XIRP2: variants seen among roughly 807,000 people sequenced by gnomAD.
XIRP2 encodes the protein xin actin binding repeat containing 2, also known as xin actin-binding repeat-containing protein 2.
A neutral mutation model predicts 277.0 loss-of-function variants in XIRP2; 236 were observed. That is an observed-to-expected ratio of 0.85 (90% CI 0.77 to 0.95). XIRP2 has a LOEUF of 0.95. Among genes scored for constraint, XIRP2 ranks in the 40% least tolerant of loss-of-function variants. XIRP2 has a pLI of 0.00. For missense variants in XIRP2, 4,640 were observed against 4,157.5 expected, an observed-to-expected ratio of 1.12 and a Z score of -3.19; for synonymous variants, 1,490 against 1,416.5, an observed-to-expected ratio of 1.05 and a Z score of -1.17.
At position 166,903,616 on chromosome 2, in the gene XIRP2, C is replaced by T. The variant is rs774074321; in HGVS notation, c.134C>T (p.Ala45Val). 1.2e-5 allele frequency: 20 copies of T among 1,613,434 alleles called. No individual in the cohort carries two copies. Among genetic ancestry groups the T allele is most frequent in the East Asian group, 4.5e-5 (2 of 44,828 alleles). The change falls in exon 2 of 11, where the codon GCG (alanine) becomes GTG (valine). Residue 45 changes from alanine to valine, a missense_variant. Physicochemically the swap from Ala to Val is moderately conservative, Grantham distance 64. Coordinates refer to ENST00000409195, the MANE Select transcript of XIRP2 (RefSeq NM_152381.6). ...CAGCCTCAGGAAAGCAAATTGCTTG[C>T]GCCTGAAGGAGAGGTAGTATCAGCA... ...IFQPQESKLL[A>V]PEGEVVSAPQ...
chr2:167,192,026 T>C (rs1426374826), intron 3 of XIRP2, among the ~76,000 whole-genome samples: 2 of 152,174 alleles, frequency 1.3e-5, no homozygotes, highest in East Asian at 3.8e-4. Flanking sequence ...GTTATCAACA[T>C]AGAAAAGCTT....
At chr2:167,155,847 C>T (rs1179640491) in intron 3 of XIRP2, among the ~76,000 whole-genome samples, 33 of 151,526 alleles carry the variant, frequency 2.2e-4, no homozygotes, top group African/African-American at 7.8e-4. Flanking sequence ...TCTAGAAAAC[C>T]CCATTGTCTC....
chr2:167,005,849 A>C (rs1449105066), intron 2 of XIRP2, among the ~76,000 whole-genome samples: 1 of 151,720 alleles, frequency 6.6e-6, no homozygotes, highest in Non-Finnish European at 1.5e-5. Context: ...AGGGCTTAAA[A>C]ATTCTTGACA....
At chr2:166,919,749 C>G (rs1417974865) in intron 2 of XIRP2, among the ~76,000 whole-genome samples, 1 of 151,724 alleles carries the variant, frequency 6.6e-6, no homozygotes, top group Non-Finnish European at 1.5e-5. Flanking sequence ...GAAATAAAAA[C>G]AAGAAATATA....
chr2:166,923,235 T>G (rs1685102087), intron 2 of XIRP2, among the ~76,000 whole-genome samples: 1 of 152,116 alleles, frequency 6.6e-6, no homozygotes. Flanking sequence ...AAAGTTACAA[T>G]GAGTGTACTA....
At chr2:167,144,789 G>A (rs1029237403) in intron 3 of XIRP2, among the ~76,000 whole-genome samples, 4 of 152,052 alleles carry the variant, frequency 2.6e-5, no homozygotes, top group Admixed American at 6.5e-5. Context: ...ATCAGAATAT[G>A]AAGCCAATTG....
chr2:166,896,833 A>G (rs1684256489), intron 1 of XIRP2, among the ~76,000 whole-genome samples: 1 of 152,146 alleles, frequency 6.6e-6, no homozygotes, highest in African/African-American at 2.4e-5. Context: ...TAAGTTCCCC[A>G]TACAGGTATA....
intron 3 of XIRP2, chr2:167,184,729 T>C: frequency 3.0e-6 from 2 of 659,056 alleles, no homozygotes; most frequent in East Asian, 2.7e-5. Flanking sequence ...ATCTCTGCAA[T>C]TGATGTCACT....
intron 3 of XIRP2, among the ~76,000 whole-genome samples, chr2:167,168,560 G>C (rs1692588402): frequency 6.6e-6 from 1 of 152,098 alleles, no homozygotes; most frequent in Admixed American, 6.5e-5. Flanking sequence ...TTCTGTTATA[G>C]TGTTTTGCAT....
At position 167,135,938 on chromosome 2, in the gene XIRP2, G is replaced by T. The variant is rs147656892; in HGVS notation, c.438G>T (p.Ser146=). 19 of 1,602,384 alleles carry T rather than the reference G, an allele frequency of 1.2e-5. No individual in the cohort carries two copies. The highest frequency in any genetic ancestry group is 1.5e-5 in the Non-Finnish European group (18 of 1,174,772). Residue 146 remains serine, a synonymous_variant, in exon 3 of 11, where the codon TCG becomes TCT. Transcript: ENST00000409195. ...TGGAAATTGAGCGAAGTTTGTGCTC[G>T]CCAGCTTTTAAGAGTCACCCTGGGA... is the stretch of plus-strand genomic sequence containing the variant. ...KEVEIERSLC[S]PAFKSHPGSQ... is the part of the protein sequence containing the mutation.
chr2:166,925,589 GTATATACATATATA>G lies in XIRP2; in HGVS notation c.408+21706_408+21719del, dbSNP rs1387517512. On this transcript the variant is annotated intron_variant, in intron 2 of 10. Transcript: ENST00000409195. Reference sequence around the variant, plus strand: ...TGTGTATGTATGTGTGTGTGTATGTGTATATACATATATATATATATATATATATATATATATAC... The same window carrying G: ...TGTGTATGTATGTGTGTGTGTATGTGTATATATATATATATATATATATAC... 3.4e-3 allele frequency among the ~76,000 whole-genome samples: 358 copies of G among 105,972 alleles called. 4 individuals are homozygous for G. The highest frequency in any genetic ancestry group is 0.015 in the African/African-American group (326 of 22,482). The allele number at this position is 105,972 out of a possible 152,430, so 69.5% of individuals were successfully genotyped here. A position where few individuals can be genotyped will look rare whatever the true frequency, so the allele number is the denominator to read the frequency against.
chr2:167,078,489 G>A (rs1478097350), intron 2 of XIRP2, among the ~76,000 whole-genome samples: 1 of 152,052 alleles, frequency 6.6e-6, no homozygotes, highest in Non-Finnish European at 1.5e-5. Flanking sequence ...TGCTCTGGAT[G>A]GGACTTCCAG....
chr2:167,025,064 G>A (rs1688111420), intron 2 of XIRP2, among the ~76,000 whole-genome samples: 1 of 151,982 alleles, frequency 6.6e-6, no homozygotes, highest in African/African-American at 2.4e-5. Context: ...GTAGAATTCG[G>A]CTGTGAATCC....
At chr2:167,175,553 C>T (rs1309554031) in intron 3 of XIRP2, among the ~76,000 whole-genome samples, 1 of 152,090 alleles carries the variant, frequency 6.6e-6, no homozygotes, top group Non-Finnish European at 1.5e-5. Context: ...CTGGAGCTAT[C>T]CTGTATGAGG....
intron 10 of XIRP2, 149 bp downstream of exon 10, chr2:167,254,314 A>G (rs983366083): frequency 9.6e-7 from 1 of 1,042,030 alleles, no homozygotes; most frequent in East Asian, 3.2e-5. Context: ...ATGTTCTGTG[A>G]TGTATTTCTG....
At chr2:166,924,954 T>A (rs1272522149) in intron 2 of XIRP2, among the ~76,000 whole-genome samples, 2 of 152,106 alleles carry the variant, frequency 1.3e-5, no homozygotes, top group African/African-American at 4.8e-5. Context: ...AGAAAATGAA[T>A]CCTTTTTATT....
At chr2:167,098,516 T>G (rs1690386806) in intron 2 of XIRP2, among the ~76,000 whole-genome samples, 1 of 152,224 alleles carries the variant, frequency 6.6e-6, no homozygotes, top group Non-Finnish European at 1.5e-5. Flanking sequence ...GAGTTTGTTA[T>G]TACCCACCTT....
Position 167,244,974 on chromosome 2 carries a change from T to C in XIRP2, c.3582T>C (p.Ala1194=). The part of the protein sequence containing the change: ...EIKPVEMDIQ[A]GDVSSMRYKF... Reference sequence around the variant, plus strand: ...AGCCTGTTGAAATGGATATACAAGCTGGAGATGTTTCCAGCATGAGGTATA... The same window carrying C: ...AGCCTGTTGAAATGGATATACAAGCCGGAGATGTTTCCAGCATGAGGTATA... The change falls in exon 9 of 11, where the codon GCT becomes GCC. Residue 1194 remains alanine, a synonymous_variant. Coordinates refer to ENST00000409195, the MANE Select transcript of XIRP2 (RefSeq NM_152381.6). 2 of 1,613,310 alleles carry C rather than the reference T, an allele frequency of 1.2e-6. No individual in the cohort carries two copies. Among genetic ancestry groups the C allele is most frequent in the Non-Finnish European group, 1.7e-6 (2 of 1,179,652 alleles).
At chr2:166,912,023 T>C (rs1435422887) in intron 2 of XIRP2, among the ~76,000 whole-genome samples, 2 of 152,168 alleles carry the variant, frequency 1.3e-5, no homozygotes, top group East Asian at 1.9e-4. Flanking sequence ...CGACCTTTCT[T>C]TCTGTCTGCC....
Sources: allele counts gnomAD v4.1 joint callset (sites outside exome capture counted in the v4.1 genomes callset), GRCh38; gene constraint gnomAD v4.1.1; transcripts MANE v1.5; gene names NCBI Gene and HGNC (gene_info 2026-07-23, HGNC 2026-07-21).